The following NXPH1 variants were observed in gnomAD, a reference collection of about 807,000 sequenced individuals.
NXPH1 encodes neurexophilin-1.
NXPH1 carries 5 observed loss-of-function variants against 23.7 expected under a neutral mutation model. The ratio of observed to expected loss-of-function variants is 0.21; its 90% CI spans 0.11 to 0.44. The LOEUF (loss-of-function observed/expected upper bound fraction) is 0.44, where lower values mean the gene tolerates loss of function less well. NXPH1 is among the 20% of genes least tolerant of loss of function. NXPH1 has a pLI of 0.99. For missense variants in NXPH1, 324 were observed against 321.6 expected, an observed-to-expected ratio of 1.01 and a Z score of -0.06; for synonymous variants, 144 against 122.2, an observed-to-expected ratio of 1.18 and a Z score of -1.18.
At chr7:8,681,005 C>T (rs774054424) in intron 2 of NXPH1, among the ~76,000 whole-genome samples, 1 of 152,212 alleles carries the variant, frequency 6.6e-6, no homozygotes, top group East Asian at 1.9e-4. Context: ...ACTGAGGCTA[C>T]AGAGGTAAAG....
At chr7:8,488,135 C>T (rs1563325025) in intron 2 of NXPH1, among the ~76,000 whole-genome samples, 1 of 152,072 alleles carries the variant, frequency 6.6e-6, no homozygotes, top group Non-Finnish European at 1.5e-5. Flanking sequence ...CAATATCTAA[C>T]TTATAGATCT....
chr7:8,666,192 C>A (rs1212596217), intron 2 of NXPH1, among the ~76,000 whole-genome samples: 1 of 151,680 alleles, frequency 6.6e-6, no homozygotes, highest in Non-Finnish European at 1.5e-5. Context: ...TCATATATGG[C>A]CTTTATTGTG....
chr7:8,435,793 T>G lies in NXPH1; in HGVS notation c.54+26T>G. 6.2e-7 allele frequency: 1 copy of G among 1,612,720 alleles called. No homozygotes were observed. The highest frequency in any genetic ancestry group is 8.5e-7 in the Non-Finnish European group (1 of 1,178,832). Reference sequence around the variant, plus strand: ...GTAAGTCTTGGAAGGTTCGGGGCTTTCGCATTTTTACCCCGGCCGGGAGGC... The same window carrying G: ...GTAAGTCTTGGAAGGTTCGGGGCTTGCGCATTTTTACCCCGGCCGGGAGGC... On this transcript the variant is annotated intron_variant, in intron 2 of 2. Coordinates refer to ENST00000405863, the MANE Select transcript of NXPH1 (RefSeq NM_152745.3). This position sits in a 1 kb window ranked among gnomAD's most constrained non-coding sequence, Gnocchi z 5.9.
In NXPH1 at chr7:8,547,415, C is replaced by T. The variant is rs184333897; in HGVS notation, c.54+111648C>T. 7.3e-5 allele frequency among the ~76,000 whole-genome samples: 11 copies of T among 151,414 alleles called. No homozygotes were observed. The East Asian group carries it at 1.8e-3, about 24-fold the overall frequency. On this transcript the variant is annotated intron_variant, in intron 2 of 2. Coordinates refer to ENST00000405863, the MANE Select transcript of NXPH1 (RefSeq NM_152745.3). ...GACAGTTTTGCCTGTACACCTTGCT[C>T]AGTAATAGAAACAGCACAAGATGTA...
At chr7:8,644,835 A>T (rs1010097854) in intron 2 of NXPH1, among the ~76,000 whole-genome samples, 1 of 152,184 alleles carries the variant, frequency 6.6e-6, no homozygotes, top group Admixed American at 6.5e-5. Flanking sequence ...AATTTTGTGC[A>T]CATCATTCCT....
At chr7:8,551,839 A>G (rs1818280846) in intron 2 of NXPH1, among the ~76,000 whole-genome samples, 1 of 151,424 alleles carries the variant, frequency 6.6e-6, no homozygotes, top group Admixed American at 6.6e-5. Flanking sequence ...TCCATGTCCA[A>G]CCATTTTAGG....
chr7:8,650,495 G>C (rs1358145008), intron 2 of NXPH1, among the ~76,000 whole-genome samples: 1 of 152,158 alleles, frequency 6.6e-6, no homozygotes, highest in Non-Finnish European at 1.5e-5. Context: ...ATGCAAGTCA[G>C]GTAGTTTATA....
At chr7:8,709,122 C>T (rs1026760489) in intron 2 of NXPH1, among the ~76,000 whole-genome samples, 5 of 152,182 alleles carry the variant, frequency 3.3e-5, no homozygotes, top group African/African-American at 1.2e-4. Flanking sequence ...AACTGTGCTT[C>T]TCCAAATAAG....
At chr7:8,579,504 C>G (rs188252155) in intron 2 of NXPH1, among the ~76,000 whole-genome samples, 26 of 152,082 alleles carry the variant, frequency 1.7e-4, no homozygotes, top group African/African-American at 6.0e-4. Flanking sequence ...TCCTGAGCAG[C>G]TGGAATTACA....
rs1779624336 is a variant in NXPH1, at chr7:8,701,609, C to G, written c.55-49399C>G. ...CAGCTTAAATGTCACATTTAAGAAT[C>G]CTTTTCAAGGGCTTTCAGGTAAAAT... On this transcript the variant is annotated intron_variant, in intron 2 of 2. Coordinates refer to ENST00000405863, the MANE Select transcript of NXPH1 (RefSeq NM_152745.3). Among the ~76,000 whole-genome samples, 3 of 152,168 alleles carry G rather than the reference C, an allele frequency of 2.0e-5. No homozygotes were observed. In the East Asian group the frequency reaches 5.8e-4, roughly 29 times the overall value.
At chr7:8,441,959 C>T (rs1398297695) in intron 2 of NXPH1, among the ~76,000 whole-genome samples, 2 of 151,968 alleles carry the variant, frequency 1.3e-5, no homozygotes, top group Non-Finnish European at 2.9e-5. Flanking sequence ...AGGGGATTCT[C>T]TTGCTCCGGT....
intron 2 of NXPH1, among the ~76,000 whole-genome samples, chr7:8,529,134 T>C (rs2128617042): frequency 6.6e-6 from 1 of 152,396 alleles, no homozygotes; most frequent in Admixed American, 6.5e-5. Flanking sequence ...CCTGGTTGTC[T>C]CTCTGATGTT....
At chr7:8,722,577 G>T (rs17334772) in intron 2 of NXPH1, among the ~76,000 whole-genome samples, 16,846 of 152,198 alleles carry the variant, frequency 0.11, 1,233 homozygotes, top group Admixed American at 0.19. Flanking sequence ...TGCAAATGGT[G>T]CCAATTTTCT....
At chr7:8,519,285 G>A (rs999095098) in intron 2 of NXPH1, among the ~76,000 whole-genome samples, 4 of 152,102 alleles carry the variant, frequency 2.6e-5, no homozygotes, top group Admixed American at 2.6e-4. Flanking sequence ...AAAGTGTGAG[G>A]CAAATGACAC....
intron 2 of NXPH1, among the ~76,000 whole-genome samples, chr7:8,636,660 G>A (rs929825594): frequency 6.6e-6 from 1 of 152,204 alleles, no homozygotes; most frequent in African/African-American, 2.4e-5. Context: ...AAAGCATGCT[G>A]TGATTGATTT....
At chr7:8,464,581 G>A (rs1816747834) in intron 2 of NXPH1, among the ~76,000 whole-genome samples, 1 of 152,112 alleles carries the variant, frequency 6.6e-6, no homozygotes, top group Non-Finnish European at 1.5e-5. Context: ...TATATCACTT[G>A]CCTGTAGGAG....
chr7:8,482,197 A>G (rs751647452), intron 2 of NXPH1, among the ~76,000 whole-genome samples: 2 of 152,136 alleles, frequency 1.3e-5, no homozygotes, highest in Non-Finnish European at 2.9e-5. Flanking sequence ...AATTGCAGGG[A>G]AAGTGTTTCC....
intron 2 of NXPH1, among the ~76,000 whole-genome samples, chr7:8,515,200 A>C (rs764396155): frequency 6.6e-6 from 1 of 152,086 alleles, no homozygotes; most frequent in Non-Finnish European, 1.5e-5. Flanking sequence ...GATGATTGTA[A>C]GTGAGGCAAG....
At chr7:8,571,867 G>T (rs942768608) in intron 2 of NXPH1, among the ~76,000 whole-genome samples, 1 of 144,692 alleles carries the variant, frequency 6.9e-6, no homozygotes, top group Non-Finnish European at 1.5e-5. Flanking sequence ...TGGCATCATT[G>T]TTGGTGGACT....
Sources: allele counts gnomAD v4.1 joint callset (sites outside exome capture counted in the v4.1 genomes callset), GRCh38; gene constraint gnomAD v4.1.1; non-coding constraint Gnocchi (gnomAD v3.1); transcripts MANE v1.5; gene names NCBI Gene and HGNC (gene_info 2026-07-23, HGNC 2026-07-21).